FNDC3A: variants seen among roughly 807,000 people sequenced by gnomAD.
FNDC3A encodes fibronectin type-III domain-containing protein 3A.
Under a neutral mutation model 148.9 loss-of-function variants are expected in FNDC3A, and 32 were observed. The observed-to-expected ratio is 0.21, with a 90% CI of 0.16 to 0.29. The LOEUF (loss-of-function observed/expected upper bound fraction) is 0.29. FNDC3A is among the 10% of genes least tolerant of loss of function. The pLI, the probability that FNDC3A is intolerant of heterozygous loss-of-function variation, is 1.00. For synonymous variants in FNDC3A, 472 were observed against 473.6 expected (o/e 1.00, Z 0.04); for missense variants, 1,191 against 1,452.8 (o/e 0.82, Z 2.93).
In FNDC3A at chr13:49,075,276, C is replaced by T; in HGVS notation, c.100-13C>T. The T allele has an allele frequency of 6.6e-7, 1 of 1,508,726 alleles. No homozygotes were observed. The highest frequency in any genetic ancestry group is 1.2e-5 in the South Asian group (1 of 86,188). 93.5% of individuals were successfully genotyped at this position (1,508,726 alleles called of 1,614,324 possible). The stretch of plus-strand genomic sequence containing the variant: ...TTTTGTTTTGATTAATACTTCTTCC[C>T]CTCATTTTTAAGGTTATTCTGGTAC... On this transcript the variant is annotated splice_polypyrimidine_tract_variant and intron_variant, in intron 2 of 25. Coordinates refer to ENST00000492622, the MANE Select transcript of FNDC3A (RefSeq NM_001079673.2).
At chr13:49,091,212 T>G (rs141404371) in intron 3 of FNDC3A, among the ~76,000 whole-genome samples, 45 of 151,736 alleles carry the variant, frequency 3.0e-4, no homozygotes, top group Admixed American at 8.5e-4. Flanking sequence ...AAATGTCCAG[T>G]TTTCAACAAA....
At chr13:49,201,167 C>A in intron 23 of FNDC3A, 1 of 302,972 alleles carries the variant, frequency 3.3e-6, no homozygotes, top group Non-Finnish European at 6.6e-6. Flanking sequence ...ATGCATTCAA[C>A]TTATAGATAA....
chr13:49,165,390 C>T (rs1020751229), intron 8 of FNDC3A, among the ~76,000 whole-genome samples: 10 of 152,174 alleles, frequency 6.6e-5, no homozygotes, highest in Admixed American at 6.5e-4. Context: ...GACTTTGATT[C>T]AGGGTACATG....
intron 4 of FNDC3A, among the ~76,000 whole-genome samples, chr13:49,116,338 A>C: frequency 6.6e-6 from 1 of 152,158 alleles, no homozygotes; most frequent in East Asian, 1.9e-4. Flanking sequence ...ATGAATTCTT[A>C]CAGTTCCTAT....
chr13:49,138,731 G>A lies in FNDC3A; in HGVS notation c.761-16G>A, dbSNP rs770447260. ...AGTTCTTTTTTTTAAATATTCAAATGTTTTATTTTTTTAAGAAAAAGATGA... is the reference window on the plus strand; with the variant it reads ...AGTTCTTTTTTTTAAATATTCAAATATTTTATTTTTTTAAGAAAAAGATGA... On this transcript the variant is annotated splice_polypyrimidine_tract_variant and intron_variant, in intron 6 of 25. Transcript: ENST00000492622. 5 of 1,299,078 alleles carry A rather than the reference G, an allele frequency of 3.8e-6. No homozygotes were observed. Among genetic ancestry groups the A allele is most frequent in the Admixed American group, 2.0e-5 (1 of 49,238 alleles). 80.5% of individuals were successfully genotyped at this position (1,299,078 alleles called of 1,614,324 possible).
At chr13:48,993,715 C>G (rs1330785972) in intron 1 of FNDC3A, among the ~76,000 whole-genome samples, 1 of 152,072 alleles carries the variant, frequency 6.6e-6, no homozygotes, top group African/African-American at 2.4e-5. Flanking sequence ...GGAATACATG[C>G]AATTAAATCC....
Position 49,168,649 on chromosome 13 carries a change from T to A in FNDC3A, c.1074T>A (p.Pro358=). 1 of 1,612,206 alleles carries A rather than the reference T, an allele frequency of 6.2e-7. No individual in the cohort carries two copies. The change falls in exon 10 of 26, where the codon CCT becomes CCA. Residue 358 remains proline (P), a synonymous_variant. Transcript: ENST00000492622. Reference sequence around the variant, plus strand: ...AATATAATTCTATAAAGGGAACTCCTTCAGAGGCTGAAATCTTTACCACCT... The same window carrying A: ...AATATAATTCTATAAAGGGAACTCCATCAGAGGCTGAAATCTTTACCACCT... ...QAEYNSIKGT[P]SEAEIFTTLS... is the part of the protein sequence containing the mutation.
At chr13:49,161,297 G>T (rs1216709752) in intron 8 of FNDC3A, among the ~76,000 whole-genome samples, 1 of 152,064 alleles carries the variant, frequency 6.6e-6, no homozygotes, top group Non-Finnish European at 1.5e-5. Flanking sequence ...TATGAATCTG[G>T]GTGTATATAT....
At chr13:49,029,142 G>GT (rs1021046847) in intron 2 of FNDC3A, among the ~76,000 whole-genome samples, 14 of 151,418 alleles carry the variant, frequency 9.2e-5, no homozygotes, top group African/African-American at 1.7e-4. Flanking sequence ...CCAGGCTGAA[G>GT]TTTTTTTTTA....
intron 7 of FNDC3A, among the ~76,000 whole-genome samples, chr13:49,143,643 TA>T (rs982701099): frequency 2.6e-5 from 4 of 152,266 alleles, no homozygotes; most frequent in African/African-American, 9.6e-5. Context: ...TATTTCCAAA[TA>T]AAAGACTTTT....
chr13:49,045,037 TTTCCCTTTTCCTTTCCC>T (rs1875255857), intron 2 of FNDC3A: 2 of 59,790 alleles, frequency 3.3e-5, no homozygotes, highest in Non-Finnish European at 4.1e-5. Flanking sequence ...TTCCCTTTCC[TTTCCCTTTTCCTTTCCC>T]TTTCCCTTTT....
chr13:49,107,690 G>A (rs1183041847), intron 3 of FNDC3A, among the ~76,000 whole-genome samples: 1 of 152,198 alleles, frequency 6.6e-6, no homozygotes, highest in Admixed American at 6.5e-5. Context: ...TCAATTTCGA[G>A]ATATGGTTGA....
chr13:49,183,207 G>T (rs1298887168), intron 14 of FNDC3A, among the ~76,000 whole-genome samples: 1 of 152,176 alleles, frequency 6.6e-6, no homozygotes, highest in African/African-American at 2.4e-5. Flanking sequence ...AGGGCTTTCT[G>T]TTTTTTCTCT....
At chr13:49,200,046 G>A (rs983780581) in intron 23 of FNDC3A, among the ~76,000 whole-genome samples, 8 of 152,114 alleles carry the variant, frequency 5.3e-5, no homozygotes, top group Admixed American at 2.6e-4. Flanking sequence ...TATAAGCAAT[G>A]CCACATACCT....
chr13:49,089,530 G>T (rs1879048474), intron 3 of FNDC3A, among the ~76,000 whole-genome samples: 1 of 152,250 alleles, frequency 6.6e-6, no homozygotes. Flanking sequence ...TGAGATGGAA[G>T]TCAGCAAGTG....
At chr13:49,179,417 A>G (rs1421890377) in intron 14 of FNDC3A, among the ~76,000 whole-genome samples, 1 of 151,858 alleles carries the variant, frequency 6.6e-6, no homozygotes, top group Non-Finnish European at 1.5e-5. Context: ...TTTTGTTTGT[A>G]ATTAATAAGT....
At chr13:49,085,696 CTA>C (rs1878762240) in intron 3 of FNDC3A, among the ~76,000 whole-genome samples, 2 of 152,116 alleles carry the variant, frequency 1.3e-5, no homozygotes, top group African/African-American at 4.8e-5. Flanking sequence ...AAGTAACAGA[CTA>C]TGTGACAGAA....
intron 5 of FNDC3A, among the ~76,000 whole-genome samples, chr13:49,131,719 T>C (rs563839902): frequency 1.3e-5 from 2 of 152,322 alleles, no homozygotes; most frequent in East Asian, 3.9e-4. Context: ...TTGGCTGTGA[T>C]GCCACTACAC....
chr13:49,011,881 A>G (rs1206628028), intron 2 of FNDC3A, among the ~76,000 whole-genome samples: 1 of 152,192 alleles, frequency 6.6e-6, no homozygotes, highest in African/African-American at 2.4e-5. Context: ...TCTAAAAACT[A>G]TACTTTCGCG....
Sources: allele counts gnomAD v4.1 joint callset (sites outside exome capture counted in the v4.1 genomes callset), GRCh38; gene constraint gnomAD v4.1.1; transcripts MANE v1.5; gene names NCBI Gene and HGNC (gene_info 2026-07-23, HGNC 2026-07-21).